Variants in ARHGAP8 observed in about 807,000 individuals in gnomAD.
The protein encoded by ARHGAP8 is Rho GTPase activating protein 8, also known as rho GTPase-activating protein 8.
A neutral mutation model predicts 46.1 loss-of-function variants in ARHGAP8; 62 were observed. The observed-to-expected ratio is 1.34, with a 90% confidence interval of 1.10 to 1.66. The LOEUF is 1.66. Ranked by LOEUF, ARHGAP8 falls within the 40% of genes most tolerant of loss-of-function variation. The probability of loss-of-function intolerance (pLI) is 0.00; values close to 1 mark genes in which losing one functional copy is unlikely to be tolerated. For missense variants in ARHGAP8, 923 were observed against 568.4 expected, an observed-to-expected ratio of 1.62 and a Z score of -6.34; for synonymous variants, 375 against 243.1, an observed-to-expected ratio of 1.54 and a Z score of -5.05.
intron 2 of ARHGAP8, among the ~76,000 whole-genome samples, chr22:44,794,227 G>A (rs1351806317): frequency 6.6e-6 from 1 of 152,230 alleles, no homozygotes; most frequent in Non-Finnish European, 1.5e-5. Context: ...TTCTGGGGCC[G>A]TGCCAAGACT....
In ARHGAP8 at chr22:44,859,747, G is replaced by C. The variant is rs1156739037; in HGVS notation, c.894G>C (p.Leu298=). 1.2e-6 allele frequency: 2 copies of C among 1,613,778 alleles called. No individual in the cohort carries two copies. Among genetic ancestry groups the C allele is most frequent in the African/African-American group, 2.7e-5 (2 of 74,940 alleles). ...ILGITCVESS[L]RVTGCRQILR... is the part of the protein sequence containing the mutation. ...CCCTTCCAGGTGTGGAGAGCAGCCT[G>C]CGTGTCACTGGCTGCCGCCAGATCT... The change falls in exon 11 of 12, where the codon CTG becomes CTC. Residue 298 remains leucine, a synonymous_variant. Coordinates refer to ENST00000356099, the MANE Select transcript of ARHGAP8 (RefSeq NM_181335.3).
At chr22:44,860,050 CCCTGCCTGCT>C (rs1569187374) in intron 11 of ARHGAP8, among the ~76,000 whole-genome samples, 1 of 152,166 alleles carries the variant, frequency 6.6e-6, no homozygotes, top group Non-Finnish European at 1.5e-5. Flanking sequence ...GCGTACCTGC[CCCTGCCTGCT>C]CCTGTACCTG....
chr22:44,821,282 TAGCC>T (rs1930122585), intron 5 of ARHGAP8, among the ~76,000 whole-genome samples: 1 of 151,932 alleles, frequency 6.6e-6, no homozygotes, highest in African/African-American at 2.4e-5. Context: ...ATACAAAAAT[TAGCC>T]AGGCGTGGTG....
chr22:44,794,776 A>T (rs1602185489), intron 2 of ARHGAP8, among the ~76,000 whole-genome samples: 1 of 152,068 alleles, frequency 6.6e-6, no homozygotes, highest in East Asian at 1.9e-4. Context: ...ATGTAGAAAT[A>T]ATAGAATAAG....
At chr22:44,854,585 T>C (rs904250506) in intron 10 of ARHGAP8, among the ~76,000 whole-genome samples, 1 of 152,214 alleles carries the variant, frequency 6.6e-6, no homozygotes, top group African/African-American at 2.4e-5. Flanking sequence ...TACATAAAGA[T>C]GTATGCTTGG....
At chr22:44,817,233 G>A (rs12169108) in intron 5 of ARHGAP8, among the ~76,000 whole-genome samples, 10,240 of 152,238 alleles carry the variant, frequency 0.067, 536 homozygotes, top group East Asian at 0.31. Context: ...GGACTGAATC[G>A]TGTGGTCCTG....
At chr22:44,788,918 G>C (rs1927470140) in intron 2 of ARHGAP8, among the ~76,000 whole-genome samples, 1 of 152,196 alleles carries the variant, frequency 6.6e-6, no homozygotes, top group Admixed American at 6.5e-5. Flanking sequence ...CACGTGGAAA[G>C]AATGTATGTT....
Position 44,822,423 on chromosome 22 carries a change from G to A in ARHGAP8, c.439G>A (p.Glu147Lys), listed in dbSNP as rs371746347. Residue 147 changes from glutamate to lysine, a missense_variant, in exon 6 of 12, where the codon GAA (glutamate) becomes AAA (lysine). Transcript: ENST00000356099. ...TTTCAACTACCTGAGTGAGCTCCAC[G>A]AACACCTTAAATACGACCAGCTGGT... Reference protein sequence around the residue: ...IYFNYLSELHEHLKYDQLVIP... With the variant: ...IYFNYLSELHKHLKYDQLVIP... 34 of 1,577,850 alleles carry A rather than the reference G, an allele frequency of 2.2e-5. No individual in the cohort carries two copies. The highest frequency in any genetic ancestry group is 1.2e-4 in the South Asian group (10 of 83,440).
Position 44,843,560 on chromosome 22 carries a change from G to A in ARHGAP8, c.597-1709G>A, listed in dbSNP as rs78700762. Among the ~76,000 whole-genome samples the A allele has an allele frequency of 4.9e-3, 740 of 152,312 alleles. 2 individuals are homozygous for A. The highest frequency in any genetic ancestry group is 7.1e-3 in the Non-Finnish European group (484 of 68,036). ...ATTATAAAGACAGGCCTGGCCCAGT[G>A]GCTCATGCCTGTAATCCCAGGACTT... On this transcript the variant is annotated intron_variant, in intron 7 of 11. Coordinates refer to ENST00000356099, the MANE Select transcript of ARHGAP8 (RefSeq NM_181335.3).
intron 1 of ARHGAP8, among the ~76,000 whole-genome samples, chr22:44,775,020 C>CA (rs1569138439): frequency 6.6e-6 from 1 of 151,486 alleles, no homozygotes; most frequent in East Asian, 1.9e-4. Context: ...TTAGTAGAGA[C>CA]AGAGTTTTGC....
In ARHGAP8 at chr22:44,860,676, C is replaced by A. The variant is rs114827746; in HGVS notation, c.981+842C>A. Among the ~76,000 whole-genome samples the A allele has an allele frequency of 3.6e-3, 541 of 152,266 alleles. 2 individuals are homozygous for A. The highest frequency in any genetic ancestry group is 0.012 in the African/African-American group (518 of 41,520). On this transcript the variant is annotated intron_variant, in intron 11 of 11. Coordinates refer to ENST00000356099, the MANE Select transcript of ARHGAP8 (RefSeq NM_181335.3). ...AAGCAAATGACCAGAGAGAGAGAAA[C>A]CCTTCAGTGCTCTGGGCCTGGGCTT...
chr22:44,861,136 T>A (rs2070461112), intron 11 of ARHGAP8, among the ~76,000 whole-genome samples: 1 of 152,106 alleles, frequency 6.6e-6, no homozygotes, highest in African/African-American at 2.4e-5. Flanking sequence ...CATGCCCGGC[T>A]AATTTTTGTT....
At chr22:44,783,136 T>C (rs950933853) in intron 1 of ARHGAP8, among the ~76,000 whole-genome samples, 19 of 147,086 alleles carry the variant, frequency 1.3e-4, no homozygotes, top group African/African-American at 4.7e-4. Flanking sequence ...CCCAGGAGGT[T>C]TCACCACGTT....
chr22:44,795,624 C>T (rs3788630), intron 2 of ARHGAP8, among the ~76,000 whole-genome samples: 38,714 of 151,894 alleles, frequency 0.25, 6,035 homozygotes, highest in East Asian at 0.44. Flanking sequence ...CAGACGAGGG[C>T]GGGAGGCAGA....
At chr22:44,753,647 T>G (rs960839932) in intron 1 of ARHGAP8, among the ~76,000 whole-genome samples, 1 of 152,070 alleles carries the variant, frequency 6.6e-6, no homozygotes, top group Non-Finnish European at 1.5e-5. Flanking sequence ...TCCCTCGGGC[T>G]CTGCCACACC....
rs192626675 is a variant in ARHGAP8, at chr22:44,773,128, T to A, written c.-71-13329T>A. On this transcript the variant is annotated intron_variant, in intron 1 of 11. Coordinates refer to ENST00000356099, the MANE Select transcript of ARHGAP8 (RefSeq NM_181335.3). The stretch of plus-strand genomic sequence containing the variant: ...ACCAAGCCTGGCCAGGAAGCTTTTC[T>A]TAACAAATTTGACTTACGTACTAGA... Among the ~76,000 whole-genome samples the A allele has an allele frequency of 2.5e-3, 384 of 152,290 alleles. 1 individual carries two copies. The highest frequency in any genetic ancestry group is 3.7e-3 in the South Asian group (18 of 4,816).
At chr22:44,851,166 A>G (rs943217622) in intron 10 of ARHGAP8, among the ~76,000 whole-genome samples, 1 of 152,110 alleles carries the variant, frequency 6.6e-6, no homozygotes, top group Non-Finnish European at 1.5e-5. Context: ...GGTCATAAAG[A>G]TACCAGACAT....
chr22:44,861,355 T>G (rs941455360), intron 11 of ARHGAP8, among the ~76,000 whole-genome samples: 2 of 152,058 alleles, frequency 1.3e-5, no homozygotes, highest in Non-Finnish European at 1.5e-5. Flanking sequence ...CCTGGTGGGG[T>G]GTGGTGTTGC....
chr22:44,803,076 C>T (rs970341054), intron 3 of ARHGAP8, among the ~76,000 whole-genome samples: 2 of 152,168 alleles, frequency 1.3e-5, no homozygotes, highest in Admixed American at 6.5e-5. Context: ...GATAGATAGT[C>T]ACTGTATCAG....
Sources: allele counts gnomAD v4.1 joint callset (sites outside exome capture counted in the v4.1 genomes callset), GRCh38; gene constraint gnomAD v4.1.1; transcripts MANE v1.5; gene names NCBI Gene and HGNC (gene_info 2026-07-23, HGNC 2026-07-21).